The following CDH7 variants were observed in gnomAD, a reference collection of about 807,000 sequenced individuals.
CDH7 encodes cadherin-7.
In CDH7, 25 loss-of-function variants were observed where a neutral mutation model predicts 71.8. That is an observed-to-expected ratio of 0.35 (90% confidence interval 0.25 to 0.49). The LOEUF (loss-of-function observed/expected upper bound fraction) is 0.49. Ranked by LOEUF, CDH7 falls within the 20% of genes least tolerant of loss-of-function variation. The pLI is 0.99. For missense variants in CDH7, 862 were observed against 974.6 expected, an observed-to-expected ratio of 0.88 and a Z score of 1.54; for synonymous variants, 381 against 363.8, an observed-to-expected ratio of 1.05 and a Z score of -0.54.
Position 65,844,174 on chromosome 18 carries a change from G to GATATATATATATAT in CDH7, c.1235+110_1235+123dup, listed in dbSNP as rs1555688432. On this transcript the variant is annotated intron_variant, in intron 7 of 11. Coordinates refer to ENST00000397968, the MANE Select transcript of CDH7 (RefSeq NM_004361.5). ...CTTTGTTCATAACAAATAAAAACCA[G>GATATATATATATAT]ATATATATATATATCGAGTTATAAC... 5.1e-3 allele frequency: 1,165 copies of GATATATATATATAT among 227,870 alleles called. 97 individuals carry two copies. Among genetic ancestry groups the GATATATATATATAT allele is most frequent in the African/African-American group, 0.031 (1,000 of 32,714 alleles). 14.1% of individuals were successfully genotyped at this position (227,870 alleles called of 1,614,324 possible).
rs1175030569 is a variant in CDH7, at chr18:65,814,581, A to T, written c.602A>T (p.Tyr201Phe). The change falls in exon 4 of 12, where the codon TAC becomes TTC. Residue 201 changes from tyrosine (Y) to phenylalanine (F), a missense_variant. Coordinates refer to ENST00000397968, the MANE Select transcript of CDH7 (RefSeq NM_004361.5). The stretch of plus-strand genomic sequence containing the variant: ...TACAGTATTCTGCAAGGACAGCCGT[A>T]CTTCTCAGTGGAGCCAAAGACAGGT... The part of the protein sequence containing the change: ...VVYSILQGQP[Y>F]FSVEPKTGVI... The T allele has an allele frequency of 6.2e-7, 1 of 1,613,434 alleles. No individual in the cohort carries two copies. Among genetic ancestry groups the T allele is most frequent in the South Asian group, 1.1e-5 (1 of 90,930 alleles).
intron 2 of CDH7, among the ~76,000 whole-genome samples, chr18:65,798,148 A>G (rs1343338076): frequency 6.6e-6 from 1 of 152,212 alleles, no homozygotes; most frequent in Non-Finnish European, 1.5e-5. Flanking sequence ...AAAGAACACC[A>G]GAATGAATTC....
Position 65,880,590 on chromosome 18 carries a change from A to T in CDH7, c.2054A>T (p.Asp685Val). ...NVIRDTKTRR[D>V]VTPEIQFLSR... ...ATCCGAGACACCAAGACCCGGAGGG[A>T]TGTGACTCCAGAAATTCAATTCCTG... The change falls in exon 12 of 12, where the codon GAT becomes GTT. Residue 685 changes from aspartate (D) to valine (V), a missense_variant. Physicochemically the swap from Asp to Val is radical, Grantham distance 152 (BLOSUM62 -3). Transcript: ENST00000397968. The T allele has an allele frequency of 6.2e-7, 1 of 1,613,880 alleles. No individual in the cohort carries two copies. The highest frequency in any genetic ancestry group is 1.1e-5 in the South Asian group (1 of 91,028).
At chr18:65,837,005 T>TC (rs1202155319) in intron 6 of CDH7, among the ~76,000 whole-genome samples, 2 of 152,100 alleles carry the variant, frequency 1.3e-5, no homozygotes, top group Non-Finnish European at 1.5e-5. Flanking sequence ...AGAGCTCTTC[T>TC]CCCCCCATAA....
At chr18:65,810,428 G>A (rs1054366126) in intron 3 of CDH7, among the ~76,000 whole-genome samples, 3 of 152,128 alleles carry the variant, frequency 2.0e-5, no homozygotes, top group Non-Finnish European at 4.4e-5. Context: ...TATGGCCAAT[G>A]TATCAAGAAG....
At chr18:65,806,163 T>G (rs1015697619) in intron 2 of CDH7, among the ~76,000 whole-genome samples, 4 of 152,122 alleles carry the variant, frequency 2.6e-5, no homozygotes, top group Non-Finnish European at 5.9e-5. Context: ...TCTTACATAT[T>G]AATACATGAT....
At chr18:65,770,927 A>G (rs1018565910) in intron 2 of CDH7, among the ~76,000 whole-genome samples, 3 of 152,202 alleles carry the variant, frequency 2.0e-5, no homozygotes, top group African/African-American at 2.4e-5. Context: ...AACTTAAACA[A>G]TAGAAATTTC....
chr18:65,768,165 G>A (rs776434470), intron 2 of CDH7, among the ~76,000 whole-genome samples: 24 of 151,020 alleles, frequency 1.6e-4, no homozygotes, highest in African/African-American at 4.6e-4. Flanking sequence ...ATCTACTTGC[G>A]TCCTATTTTG....
intron 11 of CDH7, among the ~76,000 whole-genome samples, chr18:65,879,345 T>C (rs1015082246): frequency 2.0e-5 from 3 of 152,204 alleles, no homozygotes; most frequent in South Asian, 4.1e-4. Flanking sequence ...TAATGTACGT[T>C]ATGGGCTATT....
At chr18:65,757,010 T>C (rs1294843720) in intron 1 of CDH7, among the ~76,000 whole-genome samples, 1 of 151,956 alleles carries the variant, frequency 6.6e-6, no homozygotes, top group Non-Finnish European at 1.5e-5. Context: ...CTCGCAATTT[T>C]GCTGATTAGT....
chr18:65,781,820 T>TCTCTCTCTCTCTGTCTCTCTCTC (rs1568181501), intron 2 of CDH7, among the ~76,000 whole-genome samples: 1 of 58,356 alleles, frequency 1.7e-5, no homozygotes, highest in African/African-American at 1.3e-4. Context: ...CCTTCCTTCC[T>TCTCTCTCTCTCTGTCTCTCTCTC]TCTTTCTTTC....
rs201183365 is a variant in CDH7, at chr18:65,781,862, CTT to C, written c.210+18812_210+18813del. Among the ~76,000 whole-genome samples the C allele has an allele frequency of 9.3e-4, 66 of 71,288 alleles. 3 individuals are homozygous for C. The highest frequency in any genetic ancestry group is 5.9e-3 in the African/African-American group (55 of 9,338). 46.8% of individuals were successfully genotyped at this position (71,288 alleles called of 152,430 possible). A position where few individuals can be genotyped will look rare whatever the true frequency, so the allele number is the denominator to read the frequency against. The stretch of plus-strand genomic sequence containing the variant: ...TCTTTCTTTCTTTCTTTCTTTCTTT[CTT>C]TCTCTCTCTCTCTCTGTCTCTCTCT... On this transcript the variant is annotated intron_variant, in intron 2 of 11. Transcript: ENST00000397968.
chr18:65,812,577 T>C lies in CDH7; in HGVS notation c.506-1908T>C, dbSNP rs116311936. On this transcript the variant is annotated intron_variant, in intron 3 of 11. Coordinates refer to ENST00000397968, the MANE Select transcript of CDH7 (RefSeq NM_004361.5). ...TTTAATATTCAAGGATCATTTTTTA[T>C]TGGATGTTAGCTAATCATAAAATTT... Among the ~76,000 whole-genome samples the C allele has an allele frequency of 3.5e-3, 527 of 152,326 alleles. 3 individuals carry two copies. Among genetic ancestry groups the C allele is most frequent in the African/African-American group, 0.012 (490 of 41,586 alleles).
chr18:65,763,592 GGGGTGTGTGTGTGT>G (rs1483624484), intron 2 of CDH7, among the ~76,000 whole-genome samples: 13 of 131,104 alleles, frequency 9.9e-5, no homozygotes, highest in African/African-American at 2.6e-4. Context: ...TTTTGATAGG[GGGGTGTGTGTGTGT>G]GTGTGTGTGT....
Position 65,837,766 on chromosome 18 carries a change from C to T in CDH7, c.982-6046C>T, listed in dbSNP as rs1320109144. 7.2e-5 allele frequency among the ~76,000 whole-genome samples: 11 copies of T among 152,014 alleles called. No individual in the cohort carries two copies. The South Asian group carries it at 2.1e-3, about 29-fold the overall frequency. On this transcript the variant is annotated intron_variant, in intron 6 of 11. Transcript: ENST00000397968. ...ATAAGAAAATAGAAACGACAGAATGCAGTTGTTCATAATAAAGGGGATGTA... is the reference window on the plus strand; with the variant it reads ...ATAAGAAAATAGAAACGACAGAATGTAGTTGTTCATAATAAAGGGGATGTA...
chr18:65,871,552 C>T (rs1913927615), intron 11 of CDH7, among the ~76,000 whole-genome samples: 2 of 151,922 alleles, frequency 1.3e-5, no homozygotes, highest in African/African-American at 2.4e-5. Context: ...GTGGAGCATG[C>T]GGTGATGGAG....
chr18:65,859,854 G>A (rs1437485406), intron 10 of CDH7, 29 bp downstream of exon 10: 5 of 1,249,388 alleles, frequency 4.0e-6, no homozygotes, highest in Middle Eastern at 1.9e-4. Flanking sequence ...TACCGATAGA[G>A]GCAGCAGGTA....
At chr18:65,814,939 A>G (rs1911671737) in intron 4 of CDH7, among the ~76,000 whole-genome samples, 1 of 152,130 alleles carries the variant, frequency 6.6e-6, no homozygotes. Flanking sequence ...GAAATTATAC[A>G]TGGTAATATT....
At position 65,883,534 on chromosome 18, in the gene CDH7, ATTCAG is replaced by A. The variant is rs1914290819; in HGVS notation, c.*2642_*2646del. On this transcript the variant is annotated 3_prime_UTR_variant, in exon 12 of 12. Transcript: ENST00000397968. ...AAATATATATTATCAAGTTGCTTAA[ATTCAG>A]TATTATACTGAAACCAACTAGAATG... 6.6e-6 allele frequency: 1 copy of A among 152,020 alleles called. No individual in the cohort carries two copies. The highest frequency in any genetic ancestry group is 6.6e-5 in the Admixed American group (1 of 15,248). The allele number at this position is 152,020 out of a possible 1,614,324, so 9.4% of individuals were successfully genotyped here.
Sources: gnomAD v4.1 joint callset for allele counts (sites outside exome capture counted in the v4.1 genomes callset) on GRCh38, gnomAD v4.1.1 for gene constraint, MANE v1.5 for transcripts, NCBI Gene and HGNC (gene_info 2026-07-23, HGNC 2026-07-21) for gene names.